The following ABCA12 variants were observed in gnomAD, a reference collection of about 807,000 sequenced individuals.
ABCA12 encodes ATP binding cassette subfamily A member 12.
A neutral mutation model predicts 293.5 loss-of-function variants in ABCA12; 156 were observed. The observed-to-expected ratio is 0.53, with a 90% CI of 0.47 to 0.61. ABCA12 has a LOEUF of 0.61. Ranked by LOEUF, ABCA12 falls within the 20% of genes least tolerant of loss-of-function variation. The probability of loss-of-function intolerance (pLI) is 0.00; values close to 1 mark genes in which losing one functional copy is unlikely to be tolerated. For synonymous variants in ABCA12, 1,063 were observed against 1,108.0 expected (o/e 0.96, Z 0.81); for missense variants, 2,797 against 3,090.2 (o/e 0.91, Z 2.25).
chr2:215,029,543 G>C (rs1436381939), intron 9 of ABCA12, among the ~76,000 whole-genome samples: 1 of 152,028 alleles, frequency 6.6e-6, no homozygotes, highest in Non-Finnish European at 1.5e-5. Flanking sequence ...TCTACTAGAT[G>C]GACTGGAACA....
intron 1 of ABCA12, among the ~76,000 whole-genome samples, chr2:215,126,827 T>G (rs1054149931): frequency 5.3e-5 from 8 of 152,144 alleles, no homozygotes; most frequent in Non-Finnish European, 1.0e-4. Flanking sequence ...TTCTTTCTTC[T>G]GTTGGGTTTT....
chr2:215,049,845 T>A, intron 5 of ABCA12, 34 bp from the exon 6 acceptor site: 1 of 1,562,368 alleles, frequency 6.4e-7, no homozygotes, highest in Non-Finnish European at 8.8e-7. Flanking sequence ...AAAATAAGAG[T>A]GTTAATAAAT....
chr2:215,111,714 T>C, intron 1 of ABCA12, 24 bp from the exon 2 acceptor site: 1 of 1,577,880 alleles, frequency 6.3e-7, no homozygotes, highest in Non-Finnish European at 8.7e-7. Flanking sequence ...GTAGAAAAAA[T>C]TGTTAGTTTT....
intron 2 of ABCA12, among the ~76,000 whole-genome samples, chr2:215,097,451 C>A (rs1702269711): frequency 6.6e-6 from 1 of 152,044 alleles, no homozygotes; most frequent in Admixed American, 6.6e-5. Context: ...ACCTAAAAAT[C>A]CTGCGTTCTT....
chr2:214,969,388 T>G (rs943550507), intron 37 of ABCA12, among the ~76,000 whole-genome samples: 5 of 152,078 alleles, frequency 3.3e-5, no homozygotes, highest in Non-Finnish European at 5.9e-5. Flanking sequence ...AATAGGTTAA[T>G]TTAACTGCCT....
chr2:214,979,989 A>C lies in ABCA12; in HGVS notation c.4740+494T>G, dbSNP rs541861244. 2.0e-5 allele frequency among the ~76,000 whole-genome samples: 3 copies of C among 152,308 alleles called. No homozygotes were observed. The East Asian group carries it at 5.8e-4, about 29-fold the overall frequency. On this transcript the variant is annotated intron_variant, in intron 31 of 52. Coordinates refer to ENST00000272895, the MANE Select transcript of ABCA12 (RefSeq NM_173076.3). ...TGTAAAGGCACCGTTGACCTGTGCA[A>C]ATTACAGTCCCTGCACTGCCACTTG...
chr2:215,120,422 G>A (rs2105907509), intron 1 of ABCA12, among the ~76,000 whole-genome samples: 1 of 152,200 alleles, frequency 6.6e-6, no homozygotes, highest in South Asian at 2.1e-4. Flanking sequence ...CAGCTAGTTG[G>A]AATGGATAAT....
intron 4 of ABCA12, among the ~76,000 whole-genome samples, chr2:215,053,337 A>G (rs1198460147): frequency 6.6e-6 from 1 of 152,134 alleles, no homozygotes; most frequent in East Asian, 1.9e-4. Context: ...TTAATATTCA[A>G]TGGTACCAGT....
chr2:215,057,064 C>G (rs1701433490), intron 3 of ABCA12, among the ~76,000 whole-genome samples: 1 of 152,002 alleles, frequency 6.6e-6, no homozygotes, highest in African/African-American at 2.4e-5. Context: ...TCTTTATATT[C>G]CCAATATCTA....
At chr2:215,134,218 A>G (rs1005252206) in intron 1 of ABCA12, among the ~76,000 whole-genome samples, 6 of 149,702 alleles carry the variant, frequency 4.0e-5, no homozygotes, top group African/African-American at 1.5e-4. Context: ...CTCATTTTCT[A>G]TTTTAGCATA....
chr2:215,096,557 A>G (rs1462049009), intron 2 of ABCA12, among the ~76,000 whole-genome samples: 1 of 152,128 alleles, frequency 6.6e-6, no homozygotes, highest in African/African-American at 2.4e-5. Flanking sequence ...TTTATTTCAA[A>G]CCATTCCTTT....
chr2:215,111,746 A>G (rs1702575755), intron 1 of ABCA12, 56 bp from the exon 2 acceptor site: 2 of 1,267,676 alleles, frequency 1.6e-6, no homozygotes, highest in Non-Finnish European at 2.3e-6. Context: ...AAAGATTTTT[A>G]AAACCTGACT....
chr2:215,136,368 C>G (rs1176379791), intron 1 of ABCA12, among the ~76,000 whole-genome samples: 3 of 152,128 alleles, frequency 2.0e-5, no homozygotes, highest in African/African-American at 7.2e-5. Flanking sequence ...ATACCTACTA[C>G]TTTCAAAATG....
Position 215,019,758 on chromosome 2 carries a change from T to C in ABCA12, c.1326A>G (p.Glu442=). The change falls in exon 12 of 53, where the codon GAA becomes GAG. Residue 442 remains glutamate (E), a synonymous_variant. Coordinates refer to ENST00000272895, the MANE Select transcript of ABCA12 (RefSeq NM_173076.3). ...TCTCTATCAAACTGAAAGTTTCAGA[T>C]TCACAAAGAAGTTCGGTCAAGTTTC... The part of the protein sequence containing the change: ...QLRNLTELLC[E]SETFSLIEKS... 6.2e-7 allele frequency: 1 copy of C among 1,613,852 alleles called. No homozygotes were observed. Among genetic ancestry groups the C allele is most frequent in the Non-Finnish European group, 8.5e-7 (1 of 1,180,018 alleles).
intron 7 of ABCA12, among the ~76,000 whole-genome samples, chr2:215,041,283 G>A (rs1440671059): frequency 3.3e-5 from 5 of 152,210 alleles, no homozygotes; most frequent in Non-Finnish European, 5.9e-5. Context: ...GCCAGGTGCT[G>A]TGGCTCACGC....
intron 5 of ABCA12, among the ~76,000 whole-genome samples, chr2:215,050,437 CA>C (rs1475762646): frequency 6.6e-6 from 1 of 152,116 alleles, no homozygotes; most frequent in Non-Finnish European, 1.5e-5. Context: ...ATGGAATCAT[CA>C]TAATCTCCCT....
chr2:214,949,121 G>A lies in ABCA12; in HGVS notation c.6881C>T (p.Ala2294Val). The change falls in exon 46 of 53, where the codon GCA (alanine) becomes GTA (valine). Residue 2294 changes from alanine to valine, a missense_variant. Physicochemically the swap from Ala to Val is moderately conservative, Grantham distance 64. Around this residue, in one of 3 missense-constraint regions of ABCA12, gnomAD observed 2,130 missense variants for 2,427.0 expected, o/e 0.88. Coordinates refer to ENST00000272895, the MANE Select transcript of ABCA12 (RefSeq NM_173076.3). ...ECFGLLGVNGAGKTTIFKMLT... is the reference protein window; with the variant it reads ...ECFGLLGVNGVGKTTIFKMLT... Reference sequence around the variant, plus strand: ...CATCTTGAATATAGTGGTCTTTCCTGCTCCATTCACTCCAAGAAGCCCAAA... The same window carrying A: ...CATCTTGAATATAGTGGTCTTTCCTACTCCATTCACTCCAAGAAGCCCAAA... 1 of 1,613,498 alleles carries A rather than the reference G, an allele frequency of 6.2e-7. No individual in the cohort carries two copies.
In ABCA12 at chr2:215,082,199, C is replaced by T. The variant is rs552181678; in HGVS notation, c.164-17980G>A. ...AGCTGGGATTACAGGTGCCCGCCAC[C>T]GTGCCCAGCTAATTTTTGTATTTTT... is the stretch of plus-strand genomic sequence containing the variant. On this transcript the variant is annotated intron_variant, in intron 2 of 52. Transcript: ENST00000272895. Among the ~76,000 whole-genome samples, 1,141 of 151,954 alleles carry T rather than the reference C, an allele frequency of 7.5e-3. 12 individuals carry two copies. The highest frequency in any genetic ancestry group is 0.026 in the African/African-American group (1,080 of 41,406).
At chr2:215,006,327 C>A (rs540051236) in intron 19 of ABCA12, among the ~76,000 whole-genome samples, 33 of 152,082 alleles carry the variant, frequency 2.2e-4, no homozygotes, top group African/African-American at 7.5e-4. Flanking sequence ...ATCTAAGTAG[C>A]CTTCGTTTTC....
Sources: gnomAD v4.1 joint callset for allele counts (sites outside exome capture counted in the v4.1 genomes callset) on GRCh38, gnomAD v4.1.1 for gene constraint, gnomAD v4.1.1 regional missense constraint, MANE v1.5 for transcripts, NCBI Gene and HGNC (gene_info 2026-07-23, HGNC 2026-07-21) for gene names.